Variants in SAMD4A observed in about 807,000 individuals in gnomAD.
SAMD4A encodes the protein protein Smaug homolog 1.
A neutral mutation model predicts 81.3 loss-of-function variants in SAMD4A; 33 were observed. That is an observed-to-expected ratio of 0.41 (90% CI 0.31 to 0.54). The LOEUF (loss-of-function observed/expected upper bound fraction) is 0.54. SAMD4A is among the 20% of genes least tolerant of loss of function. The probability of loss-of-function intolerance (pLI) is 0.37; values close to 1 mark genes in which losing one functional copy is unlikely to be tolerated. For synonymous variants in SAMD4A, 389 were observed against 382.1 expected (o/e 1.02, Z -0.21); for missense variants, 854 against 951.1 (o/e 0.90, Z 1.34).
chr14:54,744,933 C>G (rs1443683347), intron 4 of SAMD4A, among the ~76,000 whole-genome samples: 1 of 152,188 alleles, frequency 6.6e-6, no homozygotes, highest in African/African-American at 2.4e-5. Flanking sequence ...CTCTTCTCAC[C>G]CCAAACCTGC....
intron 6 of SAMD4A, among the ~76,000 whole-genome samples, chr14:54,753,105 T>C (rs1195589250): frequency 6.6e-6 from 1 of 152,256 alleles, no homozygotes; most frequent in Admixed American, 6.5e-5. Context: ...CAGGAGACAG[T>C]GGCCTTCCTC....
At chr14:54,739,880 T>G (rs1054742597) in intron 4 of SAMD4A, among the ~76,000 whole-genome samples, 13 of 152,200 alleles carry the variant, frequency 8.5e-5, no homozygotes, top group Non-Finnish European at 1.6e-4. Context: ...TTTAAAGAAA[T>G]GAGATATGGC....
At chr14:54,577,697 C>G (rs1278300612) in intron 2 of SAMD4A, among the ~76,000 whole-genome samples, 2 of 152,248 alleles carry the variant, frequency 1.3e-5, no homozygotes, top group African/African-American at 2.4e-5. Flanking sequence ...ACCAGTCGCA[C>G]TCTCCCTGGA....
chr14:54,780,522 A>T (rs1170838454), intron 11 of SAMD4A, among the ~76,000 whole-genome samples: 1 of 152,224 alleles, frequency 6.6e-6, no homozygotes, highest in African/African-American at 2.4e-5. Context: ...ACAGGGACCC[A>T]AGTACAGTAC....
chr14:54,700,626 T>C (rs760511736), intron 2 of SAMD4A, among the ~76,000 whole-genome samples: 1 of 152,130 alleles, frequency 6.6e-6, no homozygotes, highest in East Asian at 1.9e-4. Flanking sequence ...CCCTAGCCCT[T>C]GTAGGGTCAT....
intron 3 of SAMD4A, among the ~76,000 whole-genome samples, chr14:54,718,505 A>G (rs777016152): frequency 1.3e-5 from 2 of 150,024 alleles, no homozygotes; most frequent in Non-Finnish European, 3.0e-5. Context: ...GCCTGCTGAA[A>G]CTCTTTGACC....
chr14:54,730,633 A>G (rs1339583338), intron 3 of SAMD4A, among the ~76,000 whole-genome samples: 1 of 152,148 alleles, frequency 6.6e-6, no homozygotes, highest in Non-Finnish European at 1.5e-5. Context: ...AACCTTTCAG[A>G]TTGGCTTTTA....
chr14:54,685,974 G>C (rs566310277), intron 2 of SAMD4A: 7 of 426,716 alleles, frequency 1.6e-5, no homozygotes, highest in Non-Finnish European at 3.3e-5. Flanking sequence ...AACAGAAAGT[G>C]ATGCTCCTGT....
At chr14:54,695,220 C>G (rs1029428739) in intron 2 of SAMD4A, among the ~76,000 whole-genome samples, 1 of 152,198 alleles carries the variant, frequency 6.6e-6, no homozygotes, top group African/African-American at 2.4e-5. Context: ...AACATAACAA[C>G]AAGTTATCTC....
At chr14:54,719,168 G>A (rs1003257811) in intron 3 of SAMD4A, among the ~76,000 whole-genome samples, 1 of 152,040 alleles carries the variant, frequency 6.6e-6, no homozygotes, top group African/African-American at 2.4e-5. Flanking sequence ...TGGGCTATCA[G>A]AACTCTAGAG....
At chr14:54,779,516 A>G (rs956752543) in intron 11 of SAMD4A, among the ~76,000 whole-genome samples, 1 of 152,178 alleles carries the variant, frequency 6.6e-6, no homozygotes, top group Non-Finnish European at 1.5e-5. Context: ...AACGTCTCAT[A>G]CAGAGAAGAC....
At chr14:54,612,595 AT>A (rs1234600971) in intron 2 of SAMD4A, among the ~76,000 whole-genome samples, 2 of 152,202 alleles carry the variant, frequency 1.3e-5, no homozygotes, top group African/African-American at 4.8e-5. Flanking sequence ...AAAATGACTT[AT>A]TTCCATGTTC....
intron 2 of SAMD4A, among the ~76,000 whole-genome samples, chr14:54,669,467 T>G (rs891923222): frequency 7.7e-4 from 115 of 149,208 alleles, no homozygotes; most frequent in African/African-American, 2.6e-3. Flanking sequence ...TTTTTTTTTT[T>G]AGAGAGAGAC....
rs79843984 is a variant in SAMD4A, at chr14:54,730,499, G to A, written c.716-6525G>A. 9.8e-3 allele frequency among the ~76,000 whole-genome samples: 1,498 copies of A among 152,232 alleles called. 52 individuals carry two copies. Among genetic ancestry groups the A allele is most frequent in the East Asian group, 0.077 (400 of 5,164 alleles). On this transcript the variant is annotated intron_variant, in intron 3 of 12. Coordinates refer to ENST00000554335, the MANE Select transcript of SAMD4A (RefSeq NM_015589.6). ...GTAGCATGTTCTCTCTTCTTCCCCC[G>A]GAATGAGGTGGAGTCCAAAGTCTGT...
intron 2 of SAMD4A, among the ~76,000 whole-genome samples, chr14:54,669,686 C>T (rs889963676): frequency 1.3e-5 from 2 of 152,086 alleles, no homozygotes; most frequent in East Asian, 3.9e-4. Flanking sequence ...CTAGGTATTG[C>T]TGTTCCTGCC....
rs754386232 is a variant in SAMD4A, at chr14:54,770,251, C to A, written c.1715+29C>A. 11 of 1,468,836 alleles carry A rather than the reference C, an allele frequency of 7.5e-6. No homozygotes were observed. The South Asian group carries it at 9.2e-5, about 12-fold the overall frequency. 91.0% of individuals were successfully genotyped at this position (1,468,836 alleles called of 1,614,324 possible). ...TGTTGGGATTTCATTCTTTGTAATG[C>A]GTAGTGGTTCCCCTGGCGCCTTGTT... On this transcript the variant is annotated intron_variant, in intron 9 of 12. Transcript: ENST00000554335.
At chr14:54,578,964 T>G (rs1244587135) in intron 2 of SAMD4A, among the ~76,000 whole-genome samples, 1 of 152,228 alleles carries the variant, frequency 6.6e-6, no homozygotes, top group Non-Finnish European at 1.5e-5. Flanking sequence ...CAGTGATAAG[T>G]GCTGAGTGTG....
intron 2 of SAMD4A, among the ~76,000 whole-genome samples, chr14:54,597,863 C>T (rs2033953165): frequency 1.3e-5 from 2 of 152,118 alleles, no homozygotes; most frequent in South Asian, 2.1e-4. Flanking sequence ...GCTGGGATTA[C>T]AGGCATGAGC....
chr14:54,707,030 A>C (rs945417918), intron 3 of SAMD4A, among the ~76,000 whole-genome samples: 1 of 152,134 alleles, frequency 6.6e-6, no homozygotes, highest in Non-Finnish European at 1.5e-5. Flanking sequence ...CGTATGGAGC[A>C]GAAGGAATGG....
Sources: allele counts gnomAD v4.1 joint callset (sites outside exome capture counted in the v4.1 genomes callset), GRCh38; gene constraint gnomAD v4.1.1; transcripts MANE v1.5; gene names NCBI Gene and HGNC (gene_info 2026-07-23, HGNC 2026-07-21).